The following CSMD1 variants were observed in gnomAD, a reference collection of about 807,000 sequenced individuals.
CSMD1 encodes the protein CUB and sushi domain-containing protein 1.
CSMD1 carries 213 observed loss-of-function variants against 417.5 expected under a neutral mutation model. The ratio of observed to expected loss-of-function variants is 0.51; its 90% CI spans 0.46 to 0.57. CSMD1 has a LOEUF of 0.57. CSMD1 is among the 20% of genes least tolerant of loss of function. CSMD1 has a pLI of 0.00. For missense variants in CSMD1, 6,923 were observed against 4,529.7 expected, an observed-to-expected ratio of 1.53 and a Z score of -15.17; for synonymous variants, 2,862 against 1,736.8, an observed-to-expected ratio of 1.65 and a Z score of -16.11.
At chr8:4,982,588 G>C (rs1213011903) in intron 1 of CSMD1, among the ~76,000 whole-genome samples, 1 of 152,020 alleles carries the variant, frequency 6.6e-6, no homozygotes, top group African/African-American at 2.4e-5. Context: ...CTTTCTCATA[G>C]GTTCTATTCT....
chr8:3,298,274 C>G (rs1351273164), intron 25 of CSMD1, among the ~76,000 whole-genome samples: 1 of 152,180 alleles, frequency 6.6e-6, no homozygotes, highest in Admixed American at 6.5e-5. Context: ...CACCAGGTAA[C>G]ATGTCAAAGC....
At chr8:4,230,273 T>G (rs150541178) in intron 3 of CSMD1, among the ~76,000 whole-genome samples, 2 of 152,324 alleles carry the variant, frequency 1.3e-5, no homozygotes, top group African/African-American at 4.8e-5. Context: ...TATCTTATAT[T>G]CTAGATTTAT....
intron 1 of CSMD1, among the ~76,000 whole-genome samples, chr8:4,654,174 C>G (rs1465099668): frequency 6.6e-6 from 1 of 152,096 alleles, no homozygotes; most frequent in Non-Finnish European, 1.5e-5. Flanking sequence ...GTTGTTTCAT[C>G]TTTGACCTAC....
intron 2 of CSMD1, among the ~76,000 whole-genome samples, chr8:4,552,442 G>A (rs1585239616): frequency 1.3e-5 from 2 of 152,182 alleles, no homozygotes; most frequent in African/African-American, 4.8e-5. Context: ...GTTCAACAAT[G>A]TGAAGGTGTA....
At chr8:4,200,789 C>A (rs1003117754) in intron 3 of CSMD1, among the ~76,000 whole-genome samples, 1 of 152,142 alleles carries the variant, frequency 6.6e-6, no homozygotes, top group Non-Finnish European at 1.5e-5. Context: ...TTAATGGAGA[C>A]GGAGGCTTCA....
At position 3,603,422 on chromosome 8, in the gene CSMD1, G is replaced by C. The variant is rs184627616; in HGVS notation, c.1097+13288C>G. 9.9e-5 allele frequency among the ~76,000 whole-genome samples: 15 copies of C among 152,258 alleles called. No individual in the cohort carries two copies. In the East Asian group the frequency reaches 2.5e-3, roughly 25 times the overall value. ...CGTCAGGAAAGGCTTGCGAGCTAAA[G>C]CCTCCTTTCTTTATATGACAAACCT... On this transcript the variant is annotated intron_variant, in intron 8 of 69. Coordinates refer to ENST00000635120, the MANE Select transcript of CSMD1 (RefSeq NM_033225.6).
chr8:4,639,575 T>C (rs1803070430), intron 1 of CSMD1, among the ~76,000 whole-genome samples: 1 of 152,324 alleles, frequency 6.6e-6, no homozygotes, highest in South Asian at 2.1e-4. Flanking sequence ...TGTATTTAAA[T>C]GTTTTGACAC....
chr8:4,555,729 A>G (rs1301933584), intron 2 of CSMD1, among the ~76,000 whole-genome samples: 3 of 152,214 alleles, frequency 2.0e-5, no homozygotes, highest in Non-Finnish European at 4.4e-5. Flanking sequence ...GCACCCTTTC[A>G]GGGAAACCAT....
chr8:4,184,664 G>C (rs757440062), intron 3 of CSMD1, among the ~76,000 whole-genome samples: 5 of 152,126 alleles, frequency 3.3e-5, no homozygotes, highest in African/African-American at 1.2e-4. Flanking sequence ...AAGACAGATG[G>C]ACACAAAGAG....
At chr8:3,381,199 A>C (rs1810606559) in intron 18 of CSMD1, among the ~76,000 whole-genome samples, 1 of 152,080 alleles carries the variant, frequency 6.6e-6, no homozygotes, top group Admixed American at 6.5e-5. Flanking sequence ...TACAGGTATG[A>C]CTAAAATGAC....
At chr8:4,083,412 T>G (rs1003209223) in intron 3 of CSMD1, among the ~76,000 whole-genome samples, 12 of 152,036 alleles carry the variant, frequency 7.9e-5, no homozygotes, top group African/African-American at 2.7e-4. Context: ...ATAAATGTCT[T>G]CCGCATCACG....
intron 1 of CSMD1, among the ~76,000 whole-genome samples, chr8:4,835,326 A>T (rs1007213085): frequency 2.6e-5 from 4 of 152,338 alleles, no homozygotes; most frequent in Non-Finnish European, 2.9e-5. Context: ...CAGGTTGACC[A>T]TGAGGGTCAA....
At chr8:4,006,245 A>C (rs984900608) in intron 4 of CSMD1, among the ~76,000 whole-genome samples, 2 of 152,202 alleles carry the variant, frequency 1.3e-5, no homozygotes, top group African/African-American at 4.8e-5. Flanking sequence ...CGCAGGAGTA[A>C]GGATCATTCA....
chr8:4,959,510 G>C (rs1038950394), intron 1 of CSMD1, among the ~76,000 whole-genome samples: 1 of 152,224 alleles, frequency 6.6e-6, no homozygotes, highest in Admixed American at 6.5e-5. Flanking sequence ...AACGTATCCA[G>C]AATCCAACAA....
chr8:3,426,384 T>C (rs1220513671), intron 12 of CSMD1, among the ~76,000 whole-genome samples: 1 of 152,218 alleles, frequency 6.6e-6, no homozygotes, highest in African/African-American at 2.4e-5. Context: ...ACTCCCCTTT[T>C]GGATCTAATT....
At chr8:4,129,469 T>C (rs1377458223) in intron 3 of CSMD1, among the ~76,000 whole-genome samples, 3 of 152,176 alleles carry the variant, frequency 2.0e-5, no homozygotes, top group South Asian at 4.1e-4. Flanking sequence ...ATAAAAATTG[T>C]GAAGTTTTGT....
intron 1 of CSMD1, among the ~76,000 whole-genome samples, chr8:4,944,799 G>T (rs1808259402): frequency 1.3e-5 from 2 of 152,058 alleles, no homozygotes; most frequent in Admixed American, 1.3e-4. Context: ...CACTCTTGGT[G>T]GGAATGCAAA....
chr8:4,952,744 T>C (rs1019136597), intron 1 of CSMD1, among the ~76,000 whole-genome samples: 3 of 152,102 alleles, frequency 2.0e-5, no homozygotes, highest in Non-Finnish European at 4.4e-5. Flanking sequence ...GATTCCTTTA[T>C]TTTTATTTGA....
intron 5 of CSMD1, among the ~76,000 whole-genome samples, chr8:3,966,835 T>C (rs1309260876): frequency 1.3e-5 from 2 of 152,242 alleles, no homozygotes; most frequent in Non-Finnish European, 2.9e-5. Flanking sequence ...TAATCAATTC[T>C]GTACAGACAC....
Sources: allele counts gnomAD v4.1 joint callset (sites outside exome capture counted in the v4.1 genomes callset), GRCh38; gene constraint gnomAD v4.1.1; transcripts MANE v1.5; gene names NCBI Gene and HGNC (gene_info 2026-07-23, HGNC 2026-07-21).